Variants in ITPK1 observed in about 807,000 individuals in gnomAD.
ITPK1 encodes inositol-tetrakisphosphate 1-kinase, also known as inositol 1,3,4-trisphosphate 5/6-kinase.
ITPK1 carries 21 observed loss-of-function variants against 45.3 expected under a neutral mutation model. The observed-to-expected ratio is 0.46, with a 90% CI of 0.33 to 0.67. ITPK1 has a LOEUF of 0.67. Ranked by LOEUF, ITPK1 falls within the 30% of genes least tolerant of loss-of-function variation. ITPK1 has a pLI of 0.02. For missense variants in ITPK1, 474 were observed against 573.5 expected, an observed-to-expected ratio of 0.83 and a Z score of 1.77; for synonymous variants, 258 against 253.6, an observed-to-expected ratio of 1.02 and a Z score of -0.16.
intron 2 of ITPK1, among the ~76,000 whole-genome samples, chr14:93,103,275 C>T (rs990663497): frequency 3.1e-4 from 47 of 151,926 alleles, no homozygotes; most frequent in Non-Finnish European, 5.3e-4. Context: ...AAAAATTAGC[C>T]GGGCGTGGTG....
intron 3 of ITPK1, among the ~76,000 whole-genome samples, chr14:93,027,548 G>C (rs1403624712): frequency 2.6e-5 from 4 of 152,184 alleles, no homozygotes; most frequent in Non-Finnish European, 2.9e-5. Context: ...GAGGGGGCCA[G>C]GGAGGCAGAC....
intron 5 of ITPK1, among the ~76,000 whole-genome samples, chr14:92,963,571 G>C (rs962444457): frequency 6.6e-6 from 1 of 152,152 alleles, no homozygotes; most frequent in Non-Finnish European, 1.5e-5. Flanking sequence ...AGCCCAGGCC[G>C]CGCCTGGTCC....
intron 2 of ITPK1, among the ~76,000 whole-genome samples, chr14:93,111,472 A>G (rs549670356): frequency 6.6e-6 from 1 of 152,290 alleles, no homozygotes; most frequent in East Asian, 1.9e-4. Context: ...GCACTCTGGG[A>G]GGGCAAGGCA....
chr14:93,005,697 T>G (rs1275262066), intron 4 of ITPK1, among the ~76,000 whole-genome samples: 1 of 152,174 alleles, frequency 6.6e-6, no homozygotes, highest in African/African-American at 2.4e-5. Flanking sequence ...AAATGCAGAA[T>G]GCGCAAACTC....
intron 3 of ITPK1, among the ~76,000 whole-genome samples, chr14:93,065,084 A>T (rs1273174077): frequency 6.6e-6 from 1 of 152,158 alleles, no homozygotes; most frequent in Admixed American, 6.5e-5. Flanking sequence ...GAAGGAAAAC[A>T]TAAATCAGCC....
intron 3 of ITPK1, among the ~76,000 whole-genome samples, chr14:93,061,412 C>A (rs868827204): frequency 4.2e-4 from 64 of 152,134 alleles, no homozygotes; most frequent in African/African-American, 1.5e-3. Flanking sequence ...GGGTGAGGAA[C>A]AATTGCAAGG....
chr14:92,942,066 G>T (rs1394894858), intron 10 of ITPK1, among the ~76,000 whole-genome samples, 162 bp from the exon 11 acceptor site: 1 of 152,202 alleles, frequency 6.6e-6, no homozygotes, highest in Non-Finnish European at 1.5e-5. Context: ...GATAAGGGGG[G>T]CTGAGGGGAG....
chr14:93,082,843 C>A (rs1891491968), intron 2 of ITPK1, among the ~76,000 whole-genome samples: 1 of 152,190 alleles, frequency 6.6e-6, no homozygotes, highest in Non-Finnish European at 1.5e-5. Context: ...TCCAGATGAG[C>A]CAGAGGCCAA....
chr14:93,083,485 C>T (rs943710779), intron 2 of ITPK1, among the ~76,000 whole-genome samples: 4 of 152,132 alleles, frequency 2.6e-5, no homozygotes, highest in Non-Finnish European at 5.9e-5. Context: ...GAGAACAACT[C>T]GGGGAAGTGG....
intron 3 of ITPK1, among the ~76,000 whole-genome samples, chr14:93,023,285 A>ACC (rs1334814098): frequency 1.3e-5 from 2 of 152,224 alleles, no homozygotes; most frequent in African/African-American, 4.8e-5. Flanking sequence ...GTGAAAACAG[A>ACC]ACATGCCGTT....
chr14:93,084,875 G>A (rs1891586593), intron 2 of ITPK1, among the ~76,000 whole-genome samples: 1 of 152,202 alleles, frequency 6.6e-6, no homozygotes, highest in South Asian at 2.1e-4. Flanking sequence ...ACCAAGAGCA[G>A]CTCAAGTGCC....
chr14:93,096,147 G>A (rs1015338936), intron 2 of ITPK1, among the ~76,000 whole-genome samples: 2 of 152,066 alleles, frequency 1.3e-5, no homozygotes, highest in East Asian at 3.9e-4. Flanking sequence ...ACCAAGCTCC[G>A]GCTCCCTCCT....
At chr14:92,962,452 G>A in intron 6 of ITPK1, 57 bp from the exon 7 acceptor site, 2 of 1,183,946 alleles carry the variant, frequency 1.7e-6, no homozygotes, top group Non-Finnish European at 2.5e-6. Context: ...CACCCACAAG[G>A]CAGGTACTTG....
At chr14:93,005,674 C>T (rs142642591) in intron 4 of ITPK1, among the ~76,000 whole-genome samples, 2,176 of 152,296 alleles carry the variant, frequency 0.014, 25 homozygotes, top group Middle Eastern at 0.031. Flanking sequence ...AGAGAGAAAC[C>T]GGACAACAGC....
chr14:93,061,489 G>A (rs1890522634), intron 3 of ITPK1, among the ~76,000 whole-genome samples: 1 of 152,154 alleles, frequency 6.6e-6, no homozygotes, highest in Non-Finnish European at 1.5e-5. Flanking sequence ...AGAGAGAGTG[G>A]GTCTGGGGCA....
At position 93,115,203 on chromosome 14, in the gene ITPK1, GC is replaced by G; in HGVS notation, c.-41del. ...GGGGAGCCTGGGTCCGGAGGAAATC[GC>G]CCACAGGCCGAGTCTGGCGGCCGGC... On this transcript the variant is annotated 5_prime_UTR_variant, in exon 2 of 11. Transcript: ENST00000267615. The G allele has an allele frequency of 6.9e-7, 1 of 1,442,846 alleles. No individual in the cohort carries two copies. The highest frequency in any genetic ancestry group is 9.6e-7 in the Non-Finnish European group (1 of 1,040,320). The allele number at this position is 1,442,846 out of a possible 1,614,324, so 89.4% of individuals were successfully genotyped here.
intron 5 of ITPK1, among the ~76,000 whole-genome samples, chr14:92,977,207 T>G (rs776010578): frequency 1.4e-4 from 22 of 152,234 alleles, no homozygotes; most frequent in Non-Finnish European, 1.3e-4. Context: ...TCCATCATTA[T>G]CGTCATCATC....
intron 3 of ITPK1, among the ~76,000 whole-genome samples, chr14:93,024,591 T>C (rs1473942993): frequency 1.3e-5 from 2 of 152,200 alleles, no homozygotes; most frequent in Non-Finnish European, 2.9e-5. Flanking sequence ...CTTCTTTGGC[T>C]TTCCACCAGC....
chr14:93,093,835 C>G (rs1474830883), intron 2 of ITPK1, among the ~76,000 whole-genome samples: 1 of 152,248 alleles, frequency 6.6e-6, no homozygotes, highest in East Asian at 1.9e-4. Context: ...ATCCCACAAG[C>G]CCCTGGCTTC....
Sources: gnomAD v4.1 joint callset for allele counts (sites outside exome capture counted in the v4.1 genomes callset) on GRCh38, gnomAD v4.1.1 for gene constraint, MANE v1.5 for transcripts, NCBI Gene and HGNC (gene_info 2026-07-23, HGNC 2026-07-21) for gene names.